Variants in ERC1 observed in about 807,000 individuals in gnomAD.
The protein encoded by ERC1 is RAB6 interacting protein 2.
In ERC1, 56 loss-of-function variants were observed where a neutral mutation model predicts 132.0. The observed-to-expected ratio is 0.42, with a 90% CI of 0.34 to 0.53. The LOEUF is 0.53. Among genes scored for constraint, ERC1 ranks in the 20% least tolerant of loss-of-function variants. The probability of loss-of-function intolerance (pLI) is 0.03; values close to 1 mark genes in which losing one functional copy is unlikely to be tolerated. For missense variants in ERC1, 1,202 were observed against 1,349.9 expected (o/e 0.89, Z 1.72); for synonymous variants, 478 against 476.1 (o/e 1.00, Z -0.05).
At chr12:1,042,843 T>G (rs2154161309) in intron 2 of ERC1, among the ~76,000 whole-genome samples, 1 of 152,268 alleles carries the variant, frequency 6.6e-6, no homozygotes, top group African/African-American at 2.4e-5. Context: ...ATAAGTAATT[T>G]CTTCTTTTCA....
intron 17 of ERC1, chr12:1,410,377 C>T (rs2091773070): frequency 7.7e-7 from 1 of 1,299,774 alleles, no homozygotes; most frequent in Non-Finnish European, 1.0e-6. Context: ...CTTGTCATCT[C>T]TCTCCCTGTA....
chr12:1,268,234 A>G (rs540577541), intron 14 of ERC1, among the ~76,000 whole-genome samples: 1 of 152,346 alleles, frequency 6.6e-6, no homozygotes, highest in East Asian at 1.9e-4. Flanking sequence ...ACTTTTATAA[A>G]CATAATTCTT....
chr12:1,355,253 A>G (rs1413396700), intron 15 of ERC1, among the ~76,000 whole-genome samples: 1 of 152,230 alleles, frequency 6.6e-6, no homozygotes, highest in African/African-American at 2.4e-5. Flanking sequence ...AATTTCATAT[A>G]ATTTTCACAA....
intron 2 of ERC1, among the ~76,000 whole-genome samples, chr12:1,049,544 A>C (rs540967869): frequency 9.2e-5 from 14 of 152,274 alleles, no homozygotes; most frequent in Admixed American, 9.2e-4. Flanking sequence ...AGGTTGGTTG[A>C]GAACCACTGG....
At chr12:1,250,847 A>G (rs2076427279) in intron 13 of ERC1, among the ~76,000 whole-genome samples, 1 of 152,178 alleles carries the variant, frequency 6.6e-6, no homozygotes, top group African/African-American at 2.4e-5. Context: ...TAACAAAGAT[A>G]AGTATCTGAA....
At chr12:1,358,702 T>G (rs1480915548) in intron 15 of ERC1, among the ~76,000 whole-genome samples, 1 of 152,196 alleles carries the variant, frequency 6.6e-6, no homozygotes, top group Non-Finnish European at 1.5e-5. Context: ...CTGACCTATT[T>G]GTGAGCCCTT....
chr12:1,277,954 G>A (rs1186899709), intron 14 of ERC1, among the ~76,000 whole-genome samples: 2 of 152,200 alleles, frequency 1.3e-5, no homozygotes, highest in African/African-American at 4.8e-5. Context: ...CTGTCAAGAG[G>A]AACCTCGTAG....
intron 11 of ERC1, among the ~76,000 whole-genome samples, chr12:1,185,639 CT>C (rs1954995539): frequency 6.6e-6 from 1 of 151,764 alleles, no homozygotes. Flanking sequence ...TCTTTTCTGA[CT>C]TTTGTGTGAA....
At chr12:1,259,520 CTTT>C (rs201786277) in intron 13 of ERC1, among the ~76,000 whole-genome samples, 2 of 113,908 alleles carry the variant, frequency 1.8e-5, no homozygotes, top group East Asian at 4.8e-4. Context: ...TTCTTTCTTT[CTTT>C]TTTTTTTTTT....
chr12:1,067,952 G>A (rs1166170220), intron 2 of ERC1, among the ~76,000 whole-genome samples: 2 of 120,838 alleles, frequency 1.7e-5, no homozygotes, highest in African/African-American at 3.4e-5. Context: ...TTTTCCTTCT[G>A]AGACAGAGTC....
Position 1,491,823 on chromosome 12 carries a change from A to G in ERC1, c.*1593A>G, listed in dbSNP as rs996085774. ...TGGCATTGTTAAGGACGTAGCGTAG[A>G]CAACAGCAGTCATAAATAATTAGGC... On this transcript the variant is annotated 3_prime_UTR_variant, in exon 19 of 19. Transcript: ENST00000360905. 1 of 232,434 alleles carries G rather than the reference A, an allele frequency of 4.3e-6. No individual in the cohort carries two copies. The highest frequency in any genetic ancestry group is 8.5e-6 in the Non-Finnish European group (1 of 117,622). The allele number at this position is 232,434 out of a possible 1,614,324, so 14.4% of individuals were successfully genotyped here. A position where few individuals can be genotyped will look rare whatever the true frequency, so the allele number is the denominator to read the frequency against.
At position 1,365,616 on chromosome 12, in the gene ERC1, G is replaced by A. The variant is rs191608404; in HGVS notation, c.2781-6217G>A. 1.1e-4 allele frequency among the ~76,000 whole-genome samples: 16 copies of A among 152,276 alleles called. No homozygotes were observed. The East Asian group carries it at 1.9e-3, about 18-fold the overall frequency. On this transcript the variant is annotated intron_variant, in intron 15 of 18. Transcript: ENST00000360905. The stretch of plus-strand genomic sequence containing the variant: ...TTGAAGACTAGCAAAGTATATCAGC[G>A]TATTGAGTATAGAGTATATAGAGTA...
intron 13 of ERC1, among the ~76,000 whole-genome samples, chr12:1,255,265 G>A (rs1412959440): frequency 6.6e-6 from 1 of 152,164 alleles, no homozygotes; most frequent in Non-Finnish European, 1.5e-5. Flanking sequence ...TCCCTGCAAA[G>A]GACATGAGCT....
chr12:1,013,699 A>G (rs1965054241), intron 1 of ERC1, among the ~76,000 whole-genome samples: 1 of 152,096 alleles, frequency 6.6e-6, no homozygotes, highest in Non-Finnish European at 1.5e-5. Flanking sequence ...CTGTGCCTTC[A>G]TTAACTTGTA....
At chr12:1,001,451 T>A in intron 1 of ERC1, among the ~76,000 whole-genome samples, 1 of 152,354 alleles carries the variant, frequency 6.6e-6, no homozygotes, top group South Asian at 2.1e-4. Flanking sequence ...TGTATAACCA[T>A]GATGTAGGTC....
At chr12:1,463,987 A>G (rs1270038741) in intron 18 of ERC1, among the ~76,000 whole-genome samples, 2 of 152,178 alleles carry the variant, frequency 1.3e-5, no homozygotes, top group African/African-American at 2.4e-5. Context: ...TGGACCTTAC[A>G]ATGCAGAATG....
intron 12 of ERC1, among the ~76,000 whole-genome samples, chr12:1,205,077 A>G (rs889368210): frequency 1.3e-5 from 2 of 152,166 alleles, no homozygotes; most frequent in East Asian, 1.9e-4. Flanking sequence ...AGCGGAACAT[A>G]TTTTGTTTCA....
chr12:1,424,930 A>T (rs1325354512), intron 17 of ERC1, among the ~76,000 whole-genome samples: 1 of 152,114 alleles, frequency 6.6e-6, no homozygotes, highest in Non-Finnish European at 1.5e-5. Flanking sequence ...TCTACTCCAC[A>T]GGTCGATAAT....
intron 12 of ERC1, among the ~76,000 whole-genome samples, chr12:1,211,025 T>TTACAA (rs969798051): frequency 3.0e-4 from 46 of 152,158 alleles, no homozygotes; most frequent in Non-Finnish European, 5.6e-4. Context: ...GGCCTAGGTA[T>TTACAA]TACAAATTTC....
Sources: gnomAD v4.1 joint callset for allele counts (sites outside exome capture counted in the v4.1 genomes callset) on GRCh38, gnomAD v4.1.1 for gene constraint, MANE v1.5 for transcripts, NCBI Gene and HGNC (gene_info 2026-07-23, HGNC 2026-07-21) for gene names.